The following ADAMTS19 variants were observed in gnomAD, a reference collection of about 807,000 sequenced individuals.
The protein encoded by ADAMTS19 is ADAM metallopeptidase with thrombospondin type 1 motif 19.
A neutral mutation model predicts 153.3 loss-of-function variants in ADAMTS19; 93 were observed. The observed-to-expected ratio is 0.61, with a 90% CI of 0.51 to 0.72. The LOEUF is 0.72. Ranked by LOEUF, ADAMTS19 falls within the 30% of genes least tolerant of loss-of-function variation. The probability of loss-of-function intolerance (pLI) is 0.00; values close to 1 mark genes in which losing one functional copy is unlikely to be tolerated. For missense variants in ADAMTS19, 1,482 were observed against 1,552.1 expected (o/e 0.95, Z 0.76); for synonymous variants, 600 against 556.6 (o/e 1.08, Z -1.10).
intron 19 of ADAMTS19, among the ~76,000 whole-genome samples, chr5:129,701,133 C>A (rs1398606463): frequency 6.6e-6 from 1 of 150,646 alleles, no homozygotes; most frequent in Non-Finnish European, 1.5e-5. Flanking sequence ...GATCTGATGG[C>A]TTTTATAAAG....
chr5:129,677,816 T>C (rs969549583), intron 16 of ADAMTS19, among the ~76,000 whole-genome samples: 2 of 151,414 alleles, frequency 1.3e-5, no homozygotes, highest in Non-Finnish European at 2.9e-5. Flanking sequence ...AGCTTTACTT[T>C]CCCCCCCACC....
rs750485510 is a variant in ADAMTS19, at chr5:129,658,638, T to C, written c.2326T>C (p.Leu776=). 5.6e-6 allele frequency: 9 copies of C among 1,612,992 alleles called. No individual in the cohort carries two copies. Among genetic ancestry groups the C allele is most frequent in the Non-Finnish European group, 6.8e-6 (8 of 1,179,570 alleles). ...RCQKVGCDGL[L]GSLAREDHCG... ...ACAGAAAGTTGGCTGTGATGGTTTA[T>C]TAGGGTCTCTTGCAAGAGAAGATCA... The change falls in exon 15 of 23, where the codon TTA becomes CTA. Residue 776 remains leucine, a synonymous_variant. Transcript: ENST00000274487.
chr5:129,684,263 T>C lies in ADAMTS19; in HGVS notation c.2808T>C (p.Thr936=). ...CAAGCTGGGAAGATTGCGATGCCAC[T>C]TGTGGAGGAGGTGAAGGATTTTTAA... The part of the protein sequence containing the change: ...THTSWEDCDA[T]CGGGERKTTV... The change falls in exon 18 of 23, where the codon ACT becomes ACC. Residue 936 remains threonine (T), a synonymous_variant. Transcript: ENST00000274487. 1 of 1,614,032 alleles carries C rather than the reference T, an allele frequency of 6.2e-7. No homozygotes were observed. Among genetic ancestry groups the C allele is most frequent in the Non-Finnish European group, 8.5e-7 (1 of 1,179,984 alleles).
chr5:129,477,874 A>G (rs948610958), intron 2 of ADAMTS19, among the ~76,000 whole-genome samples: 2 of 152,090 alleles, frequency 1.3e-5, no homozygotes, highest in African/African-American at 4.8e-5. Context: ...TCCTTCTCTC[A>G]TTTCTTTCCA....
At chr5:129,680,708 G>T (rs1754763355) in intron 17 of ADAMTS19, among the ~76,000 whole-genome samples, 1 of 150,436 alleles carries the variant, frequency 6.6e-6, no homozygotes. Flanking sequence ...GTTGCAGTGA[G>T]CAGAGATCAA....
At chr5:129,643,942 T>C (rs1257975547) in intron 11 of ADAMTS19, among the ~76,000 whole-genome samples, 6 of 152,186 alleles carry the variant, frequency 3.9e-5, no homozygotes, top group Non-Finnish European at 8.8e-5. Flanking sequence ...TAACCAAACA[T>C]ACTGCGATGA....
intron 2 of ADAMTS19, among the ~76,000 whole-genome samples, chr5:129,492,693 G>GT: frequency 6.6e-6 from 1 of 152,048 alleles, no homozygotes; most frequent in Admixed American, 6.5e-5. Context: ...ATACCAGTCT[G>GT]TTTTCCTGTG....
chr5:129,548,102 G>T (rs1471946141), intron 6 of ADAMTS19, among the ~76,000 whole-genome samples: 2 of 150,574 alleles, frequency 1.3e-5, no homozygotes, highest in South Asian at 2.1e-4. Context: ...TACCATTCAG[G>T]ACATAGGCAT....
intron 2 of ADAMTS19, among the ~76,000 whole-genome samples, chr5:129,508,621 G>T (rs1751337710): frequency 6.6e-6 from 1 of 151,948 alleles, no homozygotes; most frequent in African/African-American, 2.4e-5. Context: ...ATATTAATTT[G>T]ATGCTTCTTG....
rs1755256695 is a variant in ADAMTS19 at position 129,689,935 on chromosome 5, T to C, written c.2819-4785T>C. 2.6e-5 allele frequency among the ~76,000 whole-genome samples: 4 copies of C among 152,242 alleles called. No homozygotes were observed. In the South Asian group the frequency reaches 8.3e-4, roughly 31 times the overall value. On this transcript the variant is annotated intron_variant, in intron 18 of 22. Coordinates refer to ENST00000274487, the MANE Select transcript of ADAMTS19 (RefSeq NM_133638.6). ...TTTTTAATACCTAAGCGATAATCCATGAACTGGATTTGCCATAAGAAGAAC... is the reference window on the plus strand; with the variant it reads ...TTTTTAATACCTAAGCGATAATCCACGAACTGGATTTGCCATAAGAAGAAC...
chr5:129,503,836 A>T (rs1751184376), intron 2 of ADAMTS19, among the ~76,000 whole-genome samples: 3 of 152,134 alleles, frequency 2.0e-5, no homozygotes, highest in South Asian at 4.1e-4. Context: ...TCAAAAAAAA[A>T]AGAACCTTAC....
At chr5:129,587,014 A>G (rs1749838196) in intron 7 of ADAMTS19, among the ~76,000 whole-genome samples, 1 of 152,124 alleles carries the variant, frequency 6.6e-6, no homozygotes, top group Non-Finnish European at 1.5e-5. Context: ...TCCTCTTTAA[A>G]ACATTTTCTA....
At chr5:129,656,278 T>G (rs931440333) in intron 14 of ADAMTS19, among the ~76,000 whole-genome samples, 1 of 152,208 alleles carries the variant, frequency 6.6e-6, no homozygotes, top group Non-Finnish European at 1.5e-5. Context: ...CACTTCAAGA[T>G]TCTGGCTTTT....
At chr5:129,611,406 G>A (rs186079353) in intron 8 of ADAMTS19, among the ~76,000 whole-genome samples, 11 of 152,230 alleles carry the variant, frequency 7.2e-5, no homozygotes, top group Admixed American at 5.2e-4. Flanking sequence ...TTCTTTTCGG[G>A]TTTTTATGGT....
At chr5:129,504,626 G>A (rs1323327954) in intron 2 of ADAMTS19, among the ~76,000 whole-genome samples, 1 of 151,968 alleles carries the variant, frequency 6.6e-6, no homozygotes, top group East Asian at 1.9e-4. Flanking sequence ...TTGTCTAACT[G>A]AAATTTTGGA....
chr5:129,620,801 T>C (rs1751746669), intron 9 of ADAMTS19, 43 bp downstream of exon 9: 1 of 1,588,878 alleles, frequency 6.3e-7, no homozygotes, highest in East Asian at 2.3e-5. Context: ...AATGATTATG[T>C]GTGCTGTTTC....
intron 3 of ADAMTS19, 61 bp downstream of exon 3, chr5:129,509,303 A>G: frequency 6.9e-7 from 1 of 1,459,846 alleles, no homozygotes; most frequent in Non-Finnish European, 9.3e-7. Context: ...ACTACTTTAA[A>G]AAAACTCTCT....
chr5:129,534,379 A>G (rs1321236707), intron 6 of ADAMTS19, among the ~76,000 whole-genome samples: 1 of 152,182 alleles, frequency 6.6e-6, no homozygotes, highest in African/African-American at 2.4e-5. Context: ...ACCAGGAAGA[A>G]GTTGAATCTC....
chr5:129,702,945 T>TATATATATATATATATATATATACAA (rs1755971888), intron 20 of ADAMTS19, among the ~76,000 whole-genome samples: 1 of 33,480 alleles, frequency 3.0e-5, no homozygotes, highest in Non-Finnish European at 5.6e-5. Flanking sequence ...AAAAAAAATA[T>TATATATATATATATATATATATACAA]ATATATATAT....
Sources: gnomAD v4.1 joint callset for allele counts (sites outside exome capture counted in the v4.1 genomes callset) on GRCh38, gnomAD v4.1.1 for gene constraint, MANE v1.5 for transcripts, NCBI Gene and HGNC (gene_info 2026-07-23, HGNC 2026-07-21) for gene names.